The following LINGO2 variants were observed in gnomAD, a reference collection of about 807,000 sequenced individuals.
LINGO2 encodes the protein leucine rich repeat and Ig domain containing 2.
In LINGO2, 14 loss-of-function variants were observed where a neutral mutation model predicts 30.6. The ratio of observed to expected loss-of-function variants is 0.46; its 90% CI spans 0.30 to 0.72. LINGO2 has a LOEUF of 0.72. Ranked by LOEUF, LINGO2 falls within the 30% of genes least tolerant of loss-of-function variation. LINGO2 has a pLI of 0.07. For missense variants in LINGO2, 729 were observed against 751.7 expected (o/e 0.97, Z 0.35); for synonymous variants, 317 against 288.5 (o/e 1.10, Z -1.00).
At chr9:29,000,203 T>C in the LINGO2 span, among the ~76,000 whole-genome samples, 1 of 151,950 alleles carries the variant, frequency 6.6e-6, no homozygotes, top group African/African-American at 2.4e-5. Flanking sequence ...ATGGACATAA[T>C]ATACCTCTTT....
chr9:28,681,133 G>C, the LINGO2 span, among the ~76,000 whole-genome samples: 1 of 151,812 alleles, frequency 6.6e-6, no homozygotes, highest in South Asian at 2.1e-4. Flanking sequence ...TGTTGGATAA[G>C]GGTCTAAATT....
intron 1 of LINGO2, among the ~76,000 whole-genome samples, chr9:28,606,034 C>T (rs1241359293): frequency 6.7e-6 from 1 of 148,224 alleles, no homozygotes; most frequent in African/African-American, 2.5e-5. Context: ...CATGAAATAA[C>T]AAACATTTTT....
At chr9:29,099,088 T>C in the LINGO2 span, among the ~76,000 whole-genome samples, 1 of 152,142 alleles carries the variant, frequency 6.6e-6, no homozygotes, top group African/African-American at 2.4e-5. Context: ...ATGTCTGCAG[T>C]GAATTCACTT....
At chr9:29,171,004 T>C in the LINGO2 span, among the ~76,000 whole-genome samples, 1 of 152,122 alleles carries the variant, frequency 6.6e-6, no homozygotes, top group Admixed American at 6.6e-5. Flanking sequence ...AATAATCCTT[T>C]TCTTTTCTTT....
At chr9:28,314,562 C>T (rs1824763485) in intron 3 of LINGO2, among the ~76,000 whole-genome samples, 1 of 152,124 alleles carries the variant, frequency 6.6e-6, no homozygotes, top group Non-Finnish European at 1.5e-5. Context: ...ACAGTTTCCC[C>T]AAAGCACTTT....
chr9:28,336,059 T>C (rs1458315418), intron 3 of LINGO2, among the ~76,000 whole-genome samples: 1 of 152,148 alleles, frequency 6.6e-6, no homozygotes, highest in Non-Finnish European at 1.5e-5. Flanking sequence ...ATCAGCATTA[T>C]ATGAGAGATC....
the LINGO2 span, among the ~76,000 whole-genome samples, chr9:28,824,865 T>G: frequency 1.7e-3 from 254 of 152,324 alleles, no homozygotes; most frequent in African/African-American, 5.9e-3. Flanking sequence ...ATCAGTAGGC[T>G]GGACTAACTT....
intron 4 of LINGO2, among the ~76,000 whole-genome samples, chr9:28,224,176 T>C (rs1160132896): frequency 6.6e-6 from 1 of 152,168 alleles, no homozygotes; most frequent in Non-Finnish European, 1.5e-5. Flanking sequence ...ACCATTCTCC[T>C]GCCTCAGCCT....
chr9:28,041,547 T>C (rs1390986658), intron 4 of LINGO2, among the ~76,000 whole-genome samples: 3 of 152,172 alleles, frequency 2.0e-5, no homozygotes, highest in Non-Finnish European at 2.9e-5. Context: ...AAGGCTGATA[T>C]AATTTAAGTC....
chr9:27,975,954 G>T (rs915642206), intron 5 of LINGO2, among the ~76,000 whole-genome samples: 1 of 152,094 alleles, frequency 6.6e-6, no homozygotes, highest in Admixed American at 6.6e-5. Context: ...ATGGAAACAA[G>T]TGTCTATTAG....
At chr9:28,884,963 A>T in the LINGO2 span, among the ~76,000 whole-genome samples, 4,694 of 24,994 alleles carry the variant, frequency 0.19, 266 homozygotes, top group Non-Finnish European at 0.23. Flanking sequence ...ATAATATTTT[A>T]TATATATAAT....
the LINGO2 span, among the ~76,000 whole-genome samples, chr9:28,951,255 G>C: frequency 2.0e-5 from 3 of 151,820 alleles, no homozygotes; most frequent in Non-Finnish European, 4.4e-5. Flanking sequence ...ATGGATTAAA[G>C]ACTTAAACAT....
At chr9:28,564,315 A>AT (rs1285749842) in intron 1 of LINGO2, among the ~76,000 whole-genome samples, 1 of 152,184 alleles carries the variant, frequency 6.6e-6, no homozygotes, top group Non-Finnish European at 1.5e-5. Flanking sequence ...ATAAGAAATC[A>AT]TAAGGAAATC....
the LINGO2 span, among the ~76,000 whole-genome samples, chr9:28,881,939 T>C: frequency 0.041 from 6,249 of 152,304 alleles, 193 homozygotes; most frequent in Admixed American, 0.082. Context: ...TTAACTATTG[T>C]CTTTTCATTT....
chr9:29,124,091 C>T, the LINGO2 span, among the ~76,000 whole-genome samples: 2 of 152,052 alleles, frequency 1.3e-5, no homozygotes, highest in Non-Finnish European at 2.9e-5. Flanking sequence ...CAACAGAGGC[C>T]TCAGAAATAA....
chr9:28,632,599 G>T (rs1827000578), intron 1 of LINGO2, among the ~76,000 whole-genome samples: 1 of 139,460 alleles, frequency 7.2e-6, no homozygotes. Context: ...ATGTAAATAT[G>T]TAGATAAATA....
At chr9:29,080,332 T>C in the LINGO2 span, among the ~76,000 whole-genome samples, 6 of 152,136 alleles carry the variant, frequency 3.9e-5, no homozygotes, top group Non-Finnish European at 7.4e-5. Context: ...CATTCCTCTC[T>C]TTTCTTCTTT....
At chr9:28,234,780 A>T (rs7021120) in intron 4 of LINGO2, among the ~76,000 whole-genome samples, 127,167 of 151,894 alleles carry the variant, frequency 0.84, 53,376 homozygotes, top group South Asian at 0.88. Flanking sequence ...AGACTGGCTT[A>T]CTTGGTCCTC....
the LINGO2 span, among the ~76,000 whole-genome samples, chr9:28,804,777 C>A: frequency 1.3e-5 from 2 of 152,034 alleles, no homozygotes; most frequent in African/African-American, 2.4e-5. Flanking sequence ...CATGGCACAG[C>A]TGGAACCTCT....
Sources: allele counts gnomAD v4.1 joint callset (sites outside exome capture counted in the v4.1 genomes callset), GRCh38; gene constraint gnomAD v4.1.1; transcripts MANE v1.5; gene names NCBI Gene and HGNC (gene_info 2026-07-23, HGNC 2026-07-21).